The following SLC26A4 variants were observed in gnomAD, a reference collection of about 807,000 sequenced individuals.
The protein encoded by SLC26A4 is pendrin.
In SLC26A4, 93 loss-of-function variants were observed where a neutral mutation model predicts 90.4. That is an observed-to-expected ratio of 1.03 (90% confidence interval 0.87 to 1.22). SLC26A4 has a LOEUF of 1.22. Ranked by LOEUF, SLC26A4 falls within the 50% of genes most tolerant of loss-of-function variation. The probability of loss-of-function intolerance (pLI) is 0.00; values close to 1 mark genes in which losing one functional copy is unlikely to be tolerated. For missense variants in SLC26A4, 1,127 were observed against 946.2 expected (o/e 1.19, Z -2.51); for synonymous variants, 393 against 354.6 (o/e 1.11, Z -1.22).
Position 107,661,927 on chromosome 7 carries a change from G to A in SLC26A4, c.164+122G>A, listed in dbSNP as rs1014295513. On this transcript the variant is annotated intron_variant, in intron 2 of 20. Coordinates refer to ENST00000644269, the MANE Select transcript of SLC26A4 (RefSeq NM_000441.2). The surrounding 1 kb of genome is among the most constrained non-coding windows in gnomAD (Gnocchi z 5.1). Reference sequence around the variant, plus strand: ...GCGGCGGAGCCCCTGGGCGCCAGCTGCTTCTCCCAGAGGCCCGACTTTCGG... The same window carrying A: ...GCGGCGGAGCCCCTGGGCGCCAGCTACTTCTCCCAGAGGCCCGACTTTCGG... The A allele has an allele frequency of 1.8e-6, 2 of 1,135,282 alleles. No individual in the cohort carries two copies. The highest frequency in any genetic ancestry group is 2.4e-6 in the Non-Finnish European group (2 of 821,710). 70.3% of individuals were successfully genotyped at this position (1,135,282 alleles called of 1,614,324 possible).
chr7:107,672,942 G>C (rs1790914678), intron 4 of SLC26A4, among the ~76,000 whole-genome samples: 1 of 152,196 alleles, frequency 6.6e-6, no homozygotes, highest in South Asian at 2.1e-4. Context: ...CTGCTGGCTA[G>C]ACATGTCTAC....
chr7:107,663,174 A>C, intron 2 of SLC26A4, 122 bp from the exon 3 acceptor site: 2 of 1,140,264 alleles, frequency 1.8e-6, no homozygotes, highest in Non-Finnish European at 2.7e-6. Context: ...TTTTCCAGGA[A>C]ATACTTATCC....
At chr7:107,713,227 A>G (rs765181411) in intron 20 of SLC26A4, among the ~76,000 whole-genome samples, 7 of 152,224 alleles carry the variant, frequency 4.6e-5, no homozygotes, top group Non-Finnish European at 8.8e-5. Context: ...ATTTCTTAGA[A>G]TCAAGTAGTC....
chr7:107,672,536 T>A (rs981869708), intron 4 of SLC26A4, among the ~76,000 whole-genome samples: 4 of 151,986 alleles, frequency 2.6e-5, no homozygotes, highest in Non-Finnish European at 5.9e-5. Flanking sequence ...CAGCCTACTT[T>A]AACATTTTAG....
At chr7:107,671,800 T>C (rs1790874363) in intron 3 of SLC26A4, among the ~76,000 whole-genome samples, 2 of 152,234 alleles carry the variant, frequency 1.3e-5, no homozygotes, top group South Asian at 4.1e-4. Context: ...AAGTCAAAAA[T>C]GCACTTAATA....
intron 16 of SLC26A4, among the ~76,000 whole-genome samples, 170 bp from the exon 17 acceptor site, chr7:107,701,657 C>T (rs928793495): frequency 1.3e-5 from 2 of 152,136 alleles, no homozygotes; most frequent in African/African-American, 4.8e-5. Context: ...CAGTTTTCTT[C>T]CTAGACAACA....
chr7:107,691,108 TACACACACACACAC>T (rs113420862), intron 10 of SLC26A4, among the ~76,000 whole-genome samples: 4 of 141,420 alleles, frequency 2.8e-5, no homozygotes. Flanking sequence ...CATAGTGCAA[TACACACACACACAC>T]ACACACACAC....
At chr7:107,701,074 T>A in intron 15 of SLC26A4, 27 bp from the exon 16 acceptor site, 1 of 1,393,802 alleles carries the variant, frequency 7.2e-7, no homozygotes. Flanking sequence ...CCAGGCATTT[T>A]AAGTAACTTG....
intron 8 of SLC26A4, among the ~76,000 whole-genome samples, chr7:107,684,751 A>G (rs1375057905): frequency 6.6e-6 from 1 of 152,188 alleles, no homozygotes; most frequent in Non-Finnish European, 1.5e-5. Flanking sequence ...CCTCAAGGAA[A>G]CTGGAGAAAC....
At chr7:107,694,815 G>A (rs1791692774) in intron 12 of SLC26A4, 99 bp downstream of exon 12, 1 of 853,448 alleles carries the variant, frequency 1.2e-6, no homozygotes, top group Non-Finnish European at 2.0e-6. Flanking sequence ...AGTCTCACTT[G>A]TGCTTTGGGA....
rs983692198 is a variant in SLC26A4, at chr7:107,699,938, AAAAAAG to A, written c.1615-140_1615-135del. The A allele has an allele frequency of 4.7e-6, 3 of 643,688 alleles. No individual in the cohort carries two copies. In the African/African-American group the frequency reaches 5.5e-5, roughly 12 times the overall value. 39.9% of individuals were successfully genotyped at this position (643,688 alleles called of 1,614,324 possible). On this transcript the variant is annotated intron_variant, in intron 14 of 20. Transcript: ENST00000644269. Reference sequence around the variant, plus strand: ...GTGAAACTCCATCTCAAAAAAAAAAAAAAAAGAAAAGAAAGAAAAGTTGAGTGCTGC... The same window carrying A: ...GTGAAACTCCATCTCAAAAAAAAAAAAAAAGAAAGAAAAGTTGAGTGCTGC...
chr7:107,706,137 CAT>C (rs1792031974), intron 18 of SLC26A4, among the ~76,000 whole-genome samples: 1 of 152,116 alleles, frequency 6.6e-6, no homozygotes, highest in Non-Finnish European at 1.5e-5. Context: ...TCTTTTGAAC[CAT>C]ATGTTTTTCT....
intron 20 of SLC26A4, among the ~76,000 whole-genome samples, chr7:107,715,106 G>T (rs1347513437): frequency 1.3e-5 from 2 of 149,828 alleles, no homozygotes; most frequent in East Asian, 2.0e-4. Flanking sequence ...GTGGTGGCAG[G>T]CACCTGTAAT....
chr7:107,715,282 C>T (rs1430762713), intron 20 of SLC26A4, 141 bp from the exon 21 acceptor site: 1 of 769,320 alleles, frequency 1.3e-6, no homozygotes, highest in African/African-American at 1.7e-5. Flanking sequence ...AGTTTTTACC[C>T]TATTTCTATT....
intron 8 of SLC26A4, among the ~76,000 whole-genome samples, chr7:107,688,342 A>G (rs1348878045): frequency 6.6e-6 from 1 of 152,188 alleles, no homozygotes; most frequent in Non-Finnish European, 1.5e-5. Flanking sequence ...ATTATACCAT[A>G]TGGATAGTCA....
chr7:107,693,196 A>T, intron 10 of SLC26A4: 1 of 538,552 alleles, frequency 1.9e-6, no homozygotes, highest in Non-Finnish European at 2.4e-6. Flanking sequence ...GGAGGGAAGT[A>T]GGATATCAGC....
At position 107,661,814 on chromosome 7, in the gene SLC26A4, CGCGCGGGCCT is replaced by C. The variant is rs1790564456; in HGVS notation, c.164+13_164+22del. 1 of 1,534,542 alleles carries C rather than the reference CGCGCGGGCCT, an allele frequency of 6.5e-7. No individual in the cohort carries two copies. Among genetic ancestry groups the C allele is most frequent in the Non-Finnish European group, 8.7e-7 (1 of 1,145,838 alleles). On this transcript the variant is annotated intron_variant, in intron 2 of 20. Transcript: ENST00000644269. This position sits in a 1 kb window ranked among gnomAD's most constrained non-coding sequence, Gnocchi z 5.1. ...CTGGCCAAGTGCTGCAGGTAGCGGC[CGCGCGGGCCT>C]GCGTAGAGAGAAGCGGAGCGGGGCG...
chr7:107,708,785 T>C (rs1337921904), intron 18 of SLC26A4, among the ~76,000 whole-genome samples: 1 of 143,970 alleles, frequency 6.9e-6, no homozygotes, highest in Non-Finnish European at 1.5e-5. Context: ...GAGCTGGTAA[T>C]GTATGGAAAT....
In SLC26A4 at chr7:107,661,878, C is replaced by A; in HGVS notation, c.164+73C>A. The A allele has an allele frequency of 2.0e-6, 3 of 1,477,888 alleles. No individual in the cohort carries two copies. The highest frequency in any genetic ancestry group is 2.6e-5 in the South Asian group (2 of 78,412). The allele number at this position is 1,477,888 out of a possible 1,614,324, so 91.5% of individuals were successfully genotyped here. A position where few individuals can be genotyped will look rare whatever the true frequency, so the allele number is the denominator to read the frequency against. ...ACGCCTTGGGGAGGGAAGGGCGTCC[C>A]CAGCGGGCGAGAGTGGGGTGCGGGC... On this transcript the variant is annotated intron_variant, in intron 2 of 20. Transcript: ENST00000644269. This position sits in a 1 kb window ranked among gnomAD's most constrained non-coding sequence, Gnocchi z 5.1.
Sources: allele counts gnomAD v4.1 joint callset (sites outside exome capture counted in the v4.1 genomes callset), GRCh38; gene constraint gnomAD v4.1.1; non-coding constraint Gnocchi (gnomAD v3.1); transcripts MANE v1.5; gene names NCBI Gene and HGNC (gene_info 2026-07-23, HGNC 2026-07-21).